PRKG1: variants seen among roughly 807,000 people sequenced by gnomAD.
PRKG1 encodes the protein protein kinase cGMP-dependent 1, also known as cGMP-dependent protein kinase 1.
A neutral mutation model predicts 88.1 loss-of-function variants in PRKG1; 35 were observed. The observed-to-expected ratio is 0.40, with a 90% CI of 0.30 to 0.53. The LOEUF is 0.53. PRKG1 is among the 20% of genes least tolerant of loss of function. The pLI is 0.59. For synonymous variants in PRKG1, 303 were observed against 292.5 expected, an observed-to-expected ratio of 1.04 and a Z score of -0.37; for missense variants, 540 against 839.8, an observed-to-expected ratio of 0.64 and a Z score of 4.41.
At chr10:52,279,994 A>G (rs1841966056) in intron 12 of PRKG1, among the ~76,000 whole-genome samples, 1 of 151,980 alleles carries the variant, frequency 6.6e-6, no homozygotes, top group Non-Finnish European at 1.5e-5. Context: ...TTTTTTCTAA[A>G]TTATTTCATT....
At chr10:51,337,971 T>G (rs1198258277) in intron 2 of PRKG1, among the ~76,000 whole-genome samples, 1 of 152,226 alleles carries the variant, frequency 6.6e-6, no homozygotes, top group Non-Finnish European at 1.5e-5. Context: ...GCAGAACTAT[T>G]CACAATAGCA....
At chr10:51,170,437 T>TATACACAC (rs1277688771) in intron 2 of PRKG1, among the ~76,000 whole-genome samples, 20 of 144,668 alleles carry the variant, frequency 1.4e-4, no homozygotes, top group African/African-American at 4.3e-4. Context: ...TGTCTGGGTA[T>TATACACAC]ACACACACAC....
intron 5 of PRKG1, among the ~76,000 whole-genome samples, chr10:52,041,051 C>A (rs1284286223): frequency 2.0e-5 from 3 of 151,856 alleles, no homozygotes; most frequent in Non-Finnish European, 4.4e-5. Context: ...GTTGGCCAGG[C>A]TAGTTTTGAA....
At position 51,132,561 on chromosome 10, in the gene PRKG1, C is replaced by G. The variant is rs963035064; in HGVS notation, c.312-20603C>G. Among the ~76,000 whole-genome samples, 6 of 151,394 alleles carry G rather than the reference C, an allele frequency of 4.0e-5. No homozygotes were observed. In the East Asian group the frequency reaches 1.2e-3, roughly 29 times the overall value. On this transcript the variant is annotated intron_variant, in intron 1 of 17. Coordinates refer to ENST00000373980, the MANE Select transcript of PRKG1 (RefSeq NM_006258.4). ...TTTTGAAGACACTTTATTGGGGTAGCTAGAGTAACTCTGTGAGAGACAGAA... is the reference window on the plus strand; with the variant it reads ...TTTTGAAGACACTTTATTGGGGTAGGTAGAGTAACTCTGTGAGAGACAGAA...
intron 3 of PRKG1, among the ~76,000 whole-genome samples, chr10:51,509,292 ACCTACCAG>A (rs558350307): frequency 2.6e-3 from 402 of 152,340 alleles, no homozygotes; most frequent in Admixed American, 5.2e-3. Context: ...AGCTGATAAG[ACCTACCAG>A]TATGCAAGGA....
chr10:51,550,649 A>G (rs992184735), intron 3 of PRKG1, among the ~76,000 whole-genome samples: 1 of 151,994 alleles, frequency 6.6e-6, no homozygotes, highest in East Asian at 1.9e-4. Flanking sequence ...AGTAGATCAT[A>G]TTTGGAATGG....
chr10:51,639,995 G>T lies in PRKG1; in HGVS notation c.593-164590G>T, dbSNP rs1839757565. ...CTGGATCTACAAAATAAGTATCCTG[G>T]TGCCTTTCTCAAGGAATGGTTGTAA... On this transcript the variant is annotated intron_variant, in intron 3 of 17. Transcript: ENST00000373980. Among the ~76,000 whole-genome samples, 3 of 152,132 alleles carry T rather than the reference G, an allele frequency of 2.0e-5. 1 individual carries two copies. The South Asian group carries it at 6.2e-4, about 32-fold the overall frequency.
intron 2 of PRKG1, among the ~76,000 whole-genome samples, chr10:51,237,287 G>A (rs1039244885): frequency 8.5e-5 from 13 of 152,164 alleles, no homozygotes; most frequent in African/African-American, 2.7e-4. Flanking sequence ...TTCTCAGGGC[G>A]TTGGTAGCTA....
At position 52,176,261 on chromosome 10, in the gene PRKG1, A is replaced by G. The variant is rs553764526; in HGVS notation, c.1076+14298A>G. 5.9e-5 allele frequency among the ~76,000 whole-genome samples: 7 copies of G among 117,970 alleles called. No individual in the cohort carries two copies. The East Asian group carries it at 1.7e-3, about 29-fold the overall frequency. The allele number at this position is 117,970 out of a possible 152,430, so 77.4% of individuals were successfully genotyped here. A position where few individuals can be genotyped will look rare whatever the true frequency, so the allele number is the denominator to read the frequency against. ...GTACCCAGTTTTCCTAGCACCATTT[A>G]TTGAAGGGACTGTTCTTTCTCCAGT... On this transcript the variant is annotated intron_variant, in intron 9 of 17. Coordinates refer to ENST00000373980, the MANE Select transcript of PRKG1 (RefSeq NM_006258.4).
chr10:51,146,077 T>C (rs914774629), intron 1 of PRKG1, among the ~76,000 whole-genome samples: 1 of 151,784 alleles, frequency 6.6e-6, no homozygotes, highest in Admixed American at 6.6e-5. Flanking sequence ...CAGCCCCAGC[T>C]ACTTTGGAGG....
At chr10:51,832,239 A>G (rs917642548) in intron 4 of PRKG1, among the ~76,000 whole-genome samples, 1 of 152,218 alleles carries the variant, frequency 6.6e-6, no homozygotes, top group African/African-American at 2.4e-5. Flanking sequence ...GCAGTTAAAA[A>G]GATCTCATTT....
At chr10:51,561,422 G>T (rs1026804029) in intron 3 of PRKG1, among the ~76,000 whole-genome samples, 1 of 152,054 alleles carries the variant, frequency 6.6e-6, no homozygotes. Flanking sequence ...ATCTTGTAAG[G>T]TCAGTCATCT....
chr10:51,262,031 C>T (rs1249161032), intron 2 of PRKG1, among the ~76,000 whole-genome samples: 1 of 151,076 alleles, frequency 6.6e-6, no homozygotes, highest in Non-Finnish European at 1.5e-5. Context: ...GGACTACAGG[C>T]GCCCGCCACT....
intron 1 of PRKG1, among the ~76,000 whole-genome samples, chr10:51,051,013 T>G (rs1280135053): frequency 6.6e-6 from 1 of 152,020 alleles, no homozygotes; most frequent in Non-Finnish European, 1.5e-5. Flanking sequence ...TGTTTTTTGT[T>G]TTTTTGCTTT....
At chr10:52,184,667 A>T (rs1839138703) in intron 9 of PRKG1, 1 of 152,174 alleles carries the variant, frequency 6.6e-6, no homozygotes, top group Non-Finnish European at 1.5e-5. Flanking sequence ...AAAGAGATTT[A>T]ATTGGCTCAC....
At chr10:51,875,668 G>A (rs1841279187) in intron 4 of PRKG1, among the ~76,000 whole-genome samples, 1 of 152,084 alleles carries the variant, frequency 6.6e-6, no homozygotes, top group Non-Finnish European at 1.5e-5. Context: ...ATTTAAATAT[G>A]TTTATTTAAA....
At chr10:52,124,664 G>A (rs1847891147) in intron 7 of PRKG1, among the ~76,000 whole-genome samples, 3 of 151,946 alleles carry the variant, frequency 2.0e-5, no homozygotes, top group African/African-American at 4.8e-5. Flanking sequence ...TTAGCTTATT[G>A]TAATTTTTTA....
rs190105199 is a variant in PRKG1, at chr10:51,662,934, G to T, written c.593-141651G>T. On this transcript the variant is annotated intron_variant, in intron 3 of 17. Coordinates refer to ENST00000373980, the MANE Select transcript of PRKG1 (RefSeq NM_006258.4). ...TGTTAGGAGTAGCACTAGAATGTTG[G>T]ATCTAGTTTGTGAAAGACTTAGTAG... Among the ~76,000 whole-genome samples, 644 of 152,176 alleles carry T rather than the reference G, an allele frequency of 4.2e-3. 16 individuals are homozygous for T. The highest frequency in any genetic ancestry group is 0.039 in the Admixed American group (600 of 15,258).
At chr10:51,225,907 T>A (rs914278612) in intron 2 of PRKG1, among the ~76,000 whole-genome samples, 1 of 152,034 alleles carries the variant, frequency 6.6e-6, no homozygotes, top group Admixed American at 6.6e-5. Flanking sequence ...ATTTAAGTAA[T>A]CAAAATTGAT....
Sources: gnomAD v4.1 joint callset for allele counts (sites outside exome capture counted in the v4.1 genomes callset) on GRCh38, gnomAD v4.1.1 for gene constraint, MANE v1.5 for transcripts, NCBI Gene and HGNC (gene_info 2026-07-23, HGNC 2026-07-21) for gene names.